The following FAT3 variants were observed in gnomAD, a reference collection of about 807,000 sequenced individuals.
FAT3 encodes FAT atypical cadherin 3.
A neutral mutation model predicts 310.2 loss-of-function variants in FAT3; 95 were observed. The ratio of observed to expected loss-of-function variants is 0.31; its 90% confidence interval spans 0.26 to 0.36. The LOEUF is 0.36. Ranked by LOEUF, FAT3 falls within the 10% of genes least tolerant of loss-of-function variation. The pLI is 1.00. For synonymous variants in FAT3, 2,314 were observed against 2,192.9 expected, an observed-to-expected ratio of 1.06 and a Z score of -1.54; for missense variants, 5,408 against 5,715.6, an observed-to-expected ratio of 0.95 and a Z score of 1.74.
At chr11:92,678,721 G>A (rs1402663782) in intron 3 of FAT3, among the ~76,000 whole-genome samples, 1 of 151,990 alleles carries the variant, frequency 6.6e-6, no homozygotes, top group Non-Finnish European at 1.5e-5. Context: ...AGCTCTCCAT[G>A]TTCAATTAAT....
intron 3 of FAT3, among the ~76,000 whole-genome samples, chr11:92,568,764 C>T (rs1297569653): frequency 6.6e-6 from 1 of 152,182 alleles, no homozygotes; most frequent in Non-Finnish European, 1.5e-5. Context: ...ATTTATCCAA[C>T]AGTTTCCAAC....
intron 2 of FAT3, among the ~76,000 whole-genome samples, chr11:92,443,676 A>G (rs612686): frequency 0.67 from 101,829 of 152,096 alleles, 37,661 homozygotes; most frequent in Non-Finnish European, 0.8. Flanking sequence ...CAAGAAACTG[A>G]TCTATTCTGT....
Position 92,726,423 on chromosome 11 carries a change from A to G in FAT3, c.3669+28978A>G, listed in dbSNP as rs901186324. ...TGCTGAGAAAAGACACAGAACAACCATAACAATGGGAACTGGTGAAATTGT... is the reference window on the plus strand; with the variant it reads ...TGCTGAGAAAAGACACAGAACAACCGTAACAATGGGAACTGGTGAAATTGT... On this transcript the variant is annotated intron_variant, in intron 4 of 27. Coordinates refer to ENST00000525166, the MANE Select transcript of FAT3 (RefSeq NM_001367949.2). Among the ~76,000 whole-genome samples, 12 of 152,316 alleles carry G rather than the reference A, an allele frequency of 7.9e-5. No individual in the cohort carries two copies. In the East Asian group the frequency reaches 1.4e-3, roughly 17 times the overall value.
chr11:92,400,257 A>G (rs990661333), intron 2 of FAT3: 7 of 152,214 alleles, frequency 4.6e-5, no homozygotes, highest in African/African-American at 1.7e-4. Context: ...GGTAATGCCA[A>G]AGAAATCCAC....
At chr11:92,717,844 A>C (rs1268021434) in intron 4 of FAT3, among the ~76,000 whole-genome samples, 4 of 152,206 alleles carry the variant, frequency 2.6e-5, no homozygotes, top group Non-Finnish European at 4.4e-5. Context: ...GACCTTCATC[A>C]GAATAAAAAT....
chr11:92,238,577 C>T (rs1269394074), intron 1 of FAT3, among the ~76,000 whole-genome samples: 3 of 152,032 alleles, frequency 2.0e-5, no homozygotes, highest in Admixed American at 1.3e-4. Flanking sequence ...GGAAAGGGCT[C>T]ATGCTCCAGA....
intron 22 of FAT3, among the ~76,000 whole-genome samples, chr11:92,878,301 G>A (rs997859549): frequency 6.6e-6 from 1 of 152,074 alleles, no homozygotes; most frequent in African/African-American, 2.4e-5. Flanking sequence ...AGAGTAATAT[G>A]TTTCATTTTA....
At chr11:92,481,061 G>A (rs960619569) in intron 2 of FAT3, among the ~76,000 whole-genome samples, 89 of 152,278 alleles carry the variant, frequency 5.8e-4, no homozygotes, top group African/African-American at 2.0e-3. Context: ...AAGAGAAACT[G>A]AACTGATGGT....
chr11:92,804,150 C>T lies in FAT3; in HGVS notation c.8897-1003C>T, dbSNP rs755576290. Among the ~76,000 whole-genome samples, 3 of 152,286 alleles carry T rather than the reference C, an allele frequency of 2.0e-5. 1 individual carries two copies. In the Middle Eastern group the frequency reaches 0.01, roughly 518 times the overall value. On this transcript the variant is annotated intron_variant, in intron 10 of 27. Transcript: ENST00000525166. Reference sequence around the variant, plus strand: ...TCAGTCTTTCCCTCCAGAATGTGATCTCTGCTGAGACAGCAGATATTTTTG... The same window carrying T: ...TCAGTCTTTCCCTCCAGAATGTGATTTCTGCTGAGACAGCAGATATTTTTG...
intron 24 of FAT3, among the ~76,000 whole-genome samples, chr11:92,884,119 A>G (rs936475965): frequency 6.6e-6 from 1 of 152,188 alleles, no homozygotes; most frequent in Admixed American, 6.5e-5. Context: ...AGGCACAGGG[A>G]AGAGCCACAG....
intron 10 of FAT3, among the ~76,000 whole-genome samples, chr11:92,804,472 G>A (rs769985004): frequency 1.3e-5 from 2 of 152,092 alleles, no homozygotes; most frequent in African/African-American, 2.4e-5. Context: ...CACTGTCCAT[G>A]CTTCAGCATC....
chr11:92,546,425 C>A (rs1015796633), intron 3 of FAT3, among the ~76,000 whole-genome samples: 13 of 152,192 alleles, frequency 8.5e-5, no homozygotes, highest in Non-Finnish European at 1.8e-4. Flanking sequence ...ATATTAACAG[C>A]AATTCATACT....
chr11:92,606,562 G>A (rs1940308411), intron 3 of FAT3, among the ~76,000 whole-genome samples: 1 of 152,176 alleles, frequency 6.6e-6, no homozygotes, highest in Non-Finnish European at 1.5e-5. Context: ...GATGGTAATA[G>A]CAATGATAAA....
chr11:92,473,184 A>G (rs1007689730), intron 2 of FAT3, among the ~76,000 whole-genome samples: 2 of 152,106 alleles, frequency 1.3e-5, no homozygotes, highest in African/African-American at 2.4e-5. Flanking sequence ...TTAGGCTTAT[A>G]AGTTTCTTAG....
At chr11:92,373,302 C>T (rs1949246410) in intron 2 of FAT3, among the ~76,000 whole-genome samples, 1 of 152,138 alleles carries the variant, frequency 6.6e-6, no homozygotes, top group Non-Finnish European at 1.5e-5. Flanking sequence ...GGTAGGTACT[C>T]TTACTGCTCC....
chr11:92,433,327 C>T (rs1950841193), intron 2 of FAT3, among the ~76,000 whole-genome samples: 1 of 152,140 alleles, frequency 6.6e-6, no homozygotes, highest in Admixed American at 6.5e-5. Context: ...CAAATGGCCG[C>T]CCAGCTTTGT....
intron 3 of FAT3, among the ~76,000 whole-genome samples, chr11:92,542,144 AATGAAG>A (rs1371830277): frequency 2.6e-5 from 4 of 152,102 alleles, no homozygotes. Flanking sequence ...CATGCAAAAG[AATGAAG>A]CTAGACCCCT....
intron 6 of FAT3, among the ~76,000 whole-genome samples, chr11:92,767,364 A>G (rs1476830383): frequency 1.3e-5 from 2 of 151,618 alleles, no homozygotes; most frequent in East Asian, 3.9e-4. Flanking sequence ...TCAGCCACTG[A>G]TTTTTCTCCC....
intron 3 of FAT3, among the ~76,000 whole-genome samples, chr11:92,605,311 T>C (rs1241652521): frequency 6.6e-6 from 1 of 152,216 alleles, no homozygotes; most frequent in Non-Finnish European, 1.5e-5. Flanking sequence ...GAGGAGGCCA[T>C]GATGGAGCCT....
Sources: gnomAD v4.1 joint callset for allele counts (sites outside exome capture counted in the v4.1 genomes callset) on GRCh38, gnomAD v4.1.1 for gene constraint, MANE v1.5 for transcripts, NCBI Gene and HGNC (gene_info 2026-07-23, HGNC 2026-07-21) for gene names.